SLC30A5: variants seen among roughly 807,000 people sequenced by gnomAD.
SLC30A5 encodes the protein proton-coupled zinc antiporter SLC30A5.
A neutral mutation model predicts 79.6 loss-of-function variants in SLC30A5; 33 were observed. That is an observed-to-expected ratio of 0.41 (90% CI 0.31 to 0.55). The LOEUF (loss-of-function observed/expected upper bound fraction) is 0.55. Among genes scored for constraint, SLC30A5 ranks in the 20% least tolerant of loss-of-function variants. The probability of loss-of-function intolerance (pLI) is 0.20; values close to 1 mark genes in which losing one functional copy is unlikely to be tolerated. For missense variants in SLC30A5, 788 were observed against 928.1 expected, an observed-to-expected ratio of 0.85 and a Z score of 1.96; for synonymous variants, 299 against 319.7, an observed-to-expected ratio of 0.94 and a Z score of 0.69.
rs1580158502 is a variant in SLC30A5 at position 69,094,106 on chromosome 5, C to A, written c.-150C>A. ...GTGTGTGCTAGTGAGCCGGAGCCGG[C>A]GACGGCGGCAGTGGCGGCCCGGCCT... On this transcript the variant is annotated 5_prime_UTR_variant, in exon 1 of 16. Transcript: ENST00000396591. 4 of 412,310 alleles carry A rather than the reference C, an allele frequency of 9.7e-6. No individual in the cohort carries two copies. The highest frequency in any genetic ancestry group is 1.7e-5 in the Non-Finnish European group (4 of 233,324). 25.5% of individuals were successfully genotyped at this position (412,310 alleles called of 1,614,324 possible). A position where few individuals can be genotyped will look rare whatever the true frequency, so the allele number is the denominator to read the frequency against.
In SLC30A5 at chr5:69,130,922, G is replaced by A. The variant is rs1430278532; in HGVS notation, c.*1305G>A. On this transcript the variant is annotated 3_prime_UTR_variant, in exon 16 of 16. Transcript: ENST00000396591. ...TTATATATACCACAATGGCAAACAT[G>A]TATTATAAATCATATTTTTGTCTTA... 1 of 152,052 alleles carries A rather than the reference G, an allele frequency of 6.6e-6. No individual in the cohort carries two copies. The highest frequency in any genetic ancestry group is 1.5e-5 in the Non-Finnish European group (1 of 67,984). The allele number at this position is 152,052 out of a possible 1,614,324, so 9.4% of individuals were successfully genotyped here. A position where few individuals can be genotyped will look rare whatever the true frequency, so the allele number is the denominator to read the frequency against.
rs890664057 is a variant in SLC30A5, at chr5:69,129,997, G to A, written c.*380G>A. On this transcript the variant is annotated 3_prime_UTR_variant, in exon 16 of 16. Coordinates refer to ENST00000396591, the MANE Select transcript of SLC30A5 (RefSeq NM_022902.5). ...CAAAGACCCAAATGAAAAATTTTTA[G>A]TCCATTTTTTGCATAGCCTAAAGAT... 1 of 153,762 alleles carries A rather than the reference G, an allele frequency of 6.5e-6. No individual in the cohort carries two copies. The highest frequency in any genetic ancestry group is 2.4e-5 in the African/African-American group (1 of 41,484). The allele number at this position is 153,762 out of a possible 1,614,324, so 9.5% of individuals were successfully genotyped here.
chr5:69,116,229 CTTTT>C lies in SLC30A5; in HGVS notation c.1072+20_1072+23del, dbSNP rs771173458. 1 of 1,543,828 alleles carries C rather than the reference CTTTT, an allele frequency of 6.5e-7. No individual in the cohort carries two copies. The highest frequency in any genetic ancestry group is 1.4e-5 in the African/African-American group (1 of 71,496). On this transcript the variant is annotated intron_variant, in intron 9 of 15. Coordinates refer to ENST00000396591, the MANE Select transcript of SLC30A5 (RefSeq NM_022902.5). The surrounding 1 kb of genome is among the most constrained non-coding windows in gnomAD (Gnocchi z 4.0). ...CTTCATTTTGTGTAAGCATTCCCCC[CTTTT>C]TTTTATTTTAACAAATTTCTATTTA...
At chr5:69,103,004 C>T in intron 2 of SLC30A5, 58 bp from the exon 3 acceptor site, 2 of 832,740 alleles carry the variant, frequency 2.4e-6, no homozygotes, top group South Asian at 3.8e-5. Flanking sequence ...TTACTTAAAA[C>T]TGTATCTTGT....
At position 69,117,172 on chromosome 5, in the gene SLC30A5, G is replaced by A. The variant is rs1417138961; in HGVS notation, c.1282-67G>A. 3.0e-6 allele frequency: 4 copies of A among 1,346,830 alleles called. No individual in the cohort carries two copies. In the Admixed American group the frequency reaches 7.7e-5, roughly 26 times the overall value. 83.4% of individuals were successfully genotyped at this position (1,346,830 alleles called of 1,614,324 possible). The stretch of plus-strand genomic sequence containing the variant: ...TTCAAGTAAATTTGGATAATTAAGG[G>A]TTAAAATCCTCCTAATTGAAACAGT... On this transcript the variant is annotated intron_variant, in intron 10 of 15. Transcript: ENST00000396591.
In SLC30A5 at chr5:69,094,158, T is replaced by G; in HGVS notation, c.-98T>G. 1 of 600,952 alleles carries G rather than the reference T, an allele frequency of 1.7e-6. No individual in the cohort carries two copies. Among genetic ancestry groups the G allele is most frequent in the Non-Finnish European group, 2.5e-6 (1 of 399,586 alleles). 37.2% of individuals were successfully genotyped at this position (600,952 alleles called of 1,614,324 possible). On this transcript the variant is annotated 5_prime_UTR_variant, in exon 1 of 16. The change abolishes an upstream ATG in the 5' untranslated region. Coordinates refer to ENST00000396591, the MANE Select transcript of SLC30A5 (RefSeq NM_022902.5). ...CAGGAGCCCGACGGGGTCTCTGCCA[T>G]GGGGGAGTGACGCGCCTGCACCCGC...
In SLC30A5 at chr5:69,119,643, T is replaced by C. The variant is rs560378824; in HGVS notation, c.1569+1015T>C. Reference sequence around the variant, plus strand: ...GTTTCTATAATACAGTTTGGAAAAATAGACTTTTTTGGATTTTTTAGTGCC... The same window carrying C: ...GTTTCTATAATACAGTTTGGAAAAACAGACTTTTTTGGATTTTTTAGTGCC... On this transcript the variant is annotated intron_variant, in intron 12 of 15. Coordinates refer to ENST00000396591, the MANE Select transcript of SLC30A5 (RefSeq NM_022902.5). Among the ~76,000 whole-genome samples, 20 of 152,260 alleles carry C rather than the reference T, an allele frequency of 1.3e-4. No homozygotes were observed. The South Asian group carries it at 3.7e-3, about 28-fold the overall frequency.
chr5:69,106,872 T>G (rs947392750), intron 4 of SLC30A5, among the ~76,000 whole-genome samples: 25 of 146,898 alleles, frequency 1.7e-4, no homozygotes, highest in African/African-American at 6.2e-4. Context: ...TTTTTTCAAC[T>G]TTTTTTTTTT....
chr5:69,108,487 ATAT>A (rs765020805), intron 5 of SLC30A5, 51 bp downstream of exon 5: 1 of 1,260,726 alleles, frequency 7.9e-7, no homozygotes, highest in East Asian at 2.3e-5. Context: ...TGTATGTCAC[ATAT>A]TATCCAAAGG....
intron 15 of SLC30A5, 112 bp downstream of exon 15, chr5:69,128,244 C>T: frequency 1.6e-6 from 1 of 631,180 alleles, no homozygotes; most frequent in Non-Finnish European, 2.4e-6. Flanking sequence ...TATCAATCTT[C>T]CAACTCTTTT....
intron 1 of SLC30A5, among the ~76,000 whole-genome samples, chr5:69,094,552 C>T (rs1745664482): frequency 6.6e-6 from 1 of 152,102 alleles, no homozygotes; most frequent in African/African-American, 2.4e-5. Flanking sequence ...AAAGCTTCTG[C>T]TTGAATTTCT....
intron 12 of SLC30A5, among the ~76,000 whole-genome samples, chr5:69,119,414 C>T (rs1194139515): frequency 6.6e-6 from 1 of 152,040 alleles, no homozygotes; most frequent in African/African-American, 2.4e-5. Context: ...ATGTTTTGTG[C>T]ATTCTTCTTT....
intron 4 of SLC30A5, among the ~76,000 whole-genome samples, chr5:69,107,639 G>T (rs954537183): frequency 6.6e-6 from 1 of 151,832 alleles, no homozygotes; most frequent in Non-Finnish European, 1.5e-5. Context: ...GAATTTCTCA[G>T]CTCCATTATA....
chr5:69,095,388 G>A (rs766354067), intron 1 of SLC30A5, among the ~76,000 whole-genome samples: 1 of 151,910 alleles, frequency 6.6e-6, no homozygotes, highest in Non-Finnish European at 1.5e-5. Context: ...TTTTAGTAGA[G>A]ACGAGGTTTC....
rs764756834 is a variant in SLC30A5, at chr5:69,123,212, T to C, written c.1785T>C (p.His595=). ...MNANMRGVFL[H]VLADTLGSIG... is the part of the protein sequence containing the mutation. ...TTTTATTTGTAGGTGTATTTCTACA[T>C]GTTTTGGCAGATACACTTGGCAGCA... The change falls in exon 14 of 16, where the codon CAT becomes CAC. Residue 595 remains histidine, a synonymous_variant. Coordinates refer to ENST00000396591, the MANE Select transcript of SLC30A5 (RefSeq NM_022902.5). 14 of 1,601,782 alleles carry C rather than the reference T, an allele frequency of 8.7e-6. No homozygotes were observed.
rs950869390 is a variant in SLC30A5, at chr5:69,129,859, T to C, written c.*242T>C. 1 of 305,608 alleles carries C rather than the reference T, an allele frequency of 3.3e-6. No homozygotes were observed. Among genetic ancestry groups the C allele is most frequent in the East Asian group, 5.4e-5 (1 of 18,548 alleles). 18.9% of individuals were successfully genotyped at this position (305,608 alleles called of 1,614,324 possible). ...TCAAATTTTGAGTAAACATGATGTATTACATCATCTTCAAAAATAGATATG... is the reference window on the plus strand; with the variant it reads ...TCAAATTTTGAGTAAACATGATGTACTACATCATCTTCAAAAATAGATATG... On this transcript the variant is annotated 3_prime_UTR_variant, in exon 16 of 16. Coordinates refer to ENST00000396591, the MANE Select transcript of SLC30A5 (RefSeq NM_022902.5).
chr5:69,117,877 A>C (rs76065943), intron 11 of SLC30A5, among the ~76,000 whole-genome samples: 5 of 138,968 alleles, frequency 3.6e-5, no homozygotes, highest in African/African-American at 1.4e-4. Context: ...ACTATGTCTC[A>C]AAAAAAAAAA....
intron 5 of SLC30A5, among the ~76,000 whole-genome samples, chr5:69,111,394 GC>G (rs776231971): frequency 6.9e-6 from 1 of 145,202 alleles, no homozygotes; most frequent in Non-Finnish European, 1.5e-5. Context: ...AACCTCTGCT[GC>G]CCAGGTTCAA....
intron 5 of SLC30A5, among the ~76,000 whole-genome samples, chr5:69,109,396 A>C (rs553214522): frequency 2.0e-5 from 3 of 152,128 alleles, no homozygotes; most frequent in Admixed American, 1.3e-4. Flanking sequence ...CAATCCATAG[A>C]CCTTACTCAG....
Sources: allele counts gnomAD v4.1 joint callset (sites outside exome capture counted in the v4.1 genomes callset), GRCh38; gene constraint gnomAD v4.1.1; non-coding constraint Gnocchi (gnomAD v3.1); transcripts MANE v1.5; gene names NCBI Gene and HGNC (gene_info 2026-07-23, HGNC 2026-07-21).